RHOJ: variants seen among roughly 807,000 people sequenced by gnomAD.
The protein encoded by RHOJ is ras homolog family member J.
A neutral mutation model predicts 23.4 loss-of-function variants in RHOJ; 11 were observed. The observed-to-expected ratio is 0.47, with a 90% CI of 0.30 to 0.78. The LOEUF (loss-of-function observed/expected upper bound fraction) is 0.78, where lower values mean the gene tolerates loss of function less well. Among genes scored for constraint, RHOJ ranks in the 30% least tolerant of loss-of-function variants. The pLI, the probability that RHOJ is intolerant of heterozygous loss-of-function variation, is 0.08. For synonymous variants in RHOJ, 102 were observed against 102.7 expected, an observed-to-expected ratio of 0.99 and a Z score of 0.04; for missense variants, 254 against 273.4, an observed-to-expected ratio of 0.93 and a Z score of 0.50.
At chr14:63,270,424 G>A (rs1895447381) in intron 2 of RHOJ, among the ~76,000 whole-genome samples, 1 of 152,056 alleles carries the variant, frequency 6.6e-6, no homozygotes, top group Non-Finnish European at 1.5e-5. Flanking sequence ...TGCCTGTTTT[G>A]GTAAGCTACC....
At chr14:63,250,456 C>G (rs1594765534) in intron 1 of RHOJ, among the ~76,000 whole-genome samples, 1 of 152,122 alleles carries the variant, frequency 6.6e-6, no homozygotes, top group Non-Finnish European at 1.5e-5. Context: ...CCAAGCTGGT[C>G]TCAAACTCTT....
chr14:63,231,475 C>A (rs1312144148), intron 1 of RHOJ, among the ~76,000 whole-genome samples: 1 of 152,196 alleles, frequency 6.6e-6, no homozygotes. Context: ...AAGAACTAGT[C>A]ATGCTTTTGC....
At chr14:63,243,435 G>A (rs1002480847) in intron 1 of RHOJ, among the ~76,000 whole-genome samples, 5 of 152,156 alleles carry the variant, frequency 3.3e-5, no homozygotes, top group Admixed American at 2.0e-4. Context: ...CACCTCCTGG[G>A]CTCAAGCGAT....
At chr14:63,224,924 T>C (rs1391438771) in intron 1 of RHOJ, among the ~76,000 whole-genome samples, 1 of 151,192 alleles carries the variant, frequency 6.6e-6, no homozygotes, top group East Asian at 1.9e-4. Context: ...TGTATCCAAC[T>C]ATCACTTAAA....
At chr14:63,247,092 T>C (rs947600015) in intron 1 of RHOJ, among the ~76,000 whole-genome samples, 2 of 152,232 alleles carry the variant, frequency 1.3e-5, no homozygotes. Context: ...GGGAGGCTTC[T>C]AGGAGAGAAA....
chr14:63,225,230 C>T (rs979916409), intron 1 of RHOJ, among the ~76,000 whole-genome samples: 3 of 152,236 alleles, frequency 2.0e-5, no homozygotes, highest in African/African-American at 4.8e-5. Flanking sequence ...AGATTACAGG[C>T]GCAAGCCACC....
intron 1 of RHOJ, among the ~76,000 whole-genome samples, chr14:63,263,318 A>G (rs1371568958): frequency 1.3e-5 from 2 of 152,172 alleles, no homozygotes; most frequent in Admixed American, 1.3e-4. Context: ...GGTGTGACTG[A>G]CTGATTTCCA....
intron 1 of RHOJ, among the ~76,000 whole-genome samples, chr14:63,252,512 A>T (rs1895090203): frequency 6.6e-6 from 1 of 152,242 alleles, no homozygotes; most frequent in African/African-American, 2.4e-5. Flanking sequence ...TTCATCCTGA[A>T]AAAGTAGCCC....
chr14:63,224,681 A>T (rs1296183073), intron 1 of RHOJ, among the ~76,000 whole-genome samples: 2 of 152,210 alleles, frequency 1.3e-5, no homozygotes, highest in Non-Finnish European at 2.9e-5. Flanking sequence ...CTTTATACAG[A>T]ATAATTAATA....
At chr14:63,216,220 G>A (rs1894353017) in intron 1 of RHOJ, among the ~76,000 whole-genome samples, 1 of 152,092 alleles carries the variant, frequency 6.6e-6, no homozygotes, top group Admixed American at 6.6e-5. Flanking sequence ...TTATATTGAG[G>A]ATTTCTGTTC....
intron 1 of RHOJ, among the ~76,000 whole-genome samples, chr14:63,208,782 A>G (rs1894169270): frequency 6.6e-6 from 1 of 152,144 alleles, no homozygotes; most frequent in African/African-American, 2.4e-5. Flanking sequence ...AACATCATTC[A>G]TATCCTGATA....
intron 2 of RHOJ, among the ~76,000 whole-genome samples, chr14:63,271,116 C>T (rs1895461059): frequency 6.6e-6 from 1 of 152,126 alleles, no homozygotes; most frequent in African/African-American, 2.4e-5. Flanking sequence ...AAACCTCTGA[C>T]ACAAAAGCGA....
intron 2 of RHOJ, 69 bp from the exon 3 acceptor site, chr14:63,280,902 T>G: frequency 6.9e-7 from 1 of 1,459,208 alleles, no homozygotes; most frequent in Non-Finnish European, 9.2e-7. Flanking sequence ...TTACCTGAAA[T>G]CTGACCTTGG....
intron 1 of RHOJ, among the ~76,000 whole-genome samples, chr14:63,217,116 T>C (rs1894377376): frequency 6.6e-6 from 1 of 151,438 alleles, no homozygotes; most frequent in Non-Finnish European, 1.5e-5. Context: ...CTTTAAGTTT[T>C]AGGGTACATG....
At chr14:63,258,189 T>C (rs373603326) in intron 1 of RHOJ, among the ~76,000 whole-genome samples, 12 of 130,600 alleles carry the variant, frequency 9.2e-5, no homozygotes, top group East Asian at 6.2e-4. Context: ...GATCACGCCA[T>C]TGCACTCCAG....
In RHOJ at chr14:63,272,880, G is replaced by A. The variant is rs562052659; in HGVS notation, c.237+3712G>A. Reference sequence around the variant, plus strand: ...CTCTACTAAAAATACAAAATTAGCCGAGCATGGTGGCGCGCACCTGTAATC... The same window carrying A: ...CTCTACTAAAAATACAAAATTAGCCAAGCATGGTGGCGCGCACCTGTAATC... On this transcript the variant is annotated intron_variant, in intron 2 of 4. Coordinates refer to ENST00000316754, the MANE Select transcript of RHOJ (RefSeq NM_020663.5). Among the ~76,000 whole-genome samples, 83 of 152,220 alleles carry A rather than the reference G, an allele frequency of 5.5e-4. 1 individual carries two copies. The highest frequency in any genetic ancestry group is 1.9e-3 in the African/African-American group (77 of 41,532).
chr14:63,231,181 G>A (rs978618895), intron 1 of RHOJ, among the ~76,000 whole-genome samples: 3 of 152,122 alleles, frequency 2.0e-5, no homozygotes, highest in Non-Finnish European at 2.9e-5. Flanking sequence ...GAGCCACCGC[G>A]CCTGGCCGAG....
Position 63,277,322 on chromosome 14 carries a change from A to G in RHOJ, c.238-3649A>G, listed in dbSNP as rs572731945. ...GAAACAATGGCTGACCTTTAGCAAT[A>G]ACCCCTTGGGTGCATCCTCCATTAA... is the stretch of plus-strand genomic sequence containing the variant. On this transcript the variant is annotated intron_variant, in intron 2 of 4. Transcript: ENST00000316754. 3.3e-5 allele frequency among the ~76,000 whole-genome samples: 5 copies of G among 152,334 alleles called. No homozygotes were observed. In the South Asian group the frequency reaches 1.0e-3, roughly 32 times the overall value.
chr14:63,282,607 A>G (rs1456992320), intron 3 of RHOJ, among the ~76,000 whole-genome samples: 5 of 152,016 alleles, frequency 3.3e-5, no homozygotes, highest in African/African-American at 1.2e-4. Flanking sequence ...AGCTTGCAGA[A>G]CATTTGTTAG....
Sources: gnomAD v4.1 joint callset for allele counts (sites outside exome capture counted in the v4.1 genomes callset) on GRCh38, gnomAD v4.1.1 for gene constraint, MANE v1.5 for transcripts, NCBI Gene and HGNC (gene_info 2026-07-23, HGNC 2026-07-21) for gene names.